The following NYAP1 variants were observed in gnomAD, a reference collection of about 807,000 sequenced individuals.
NYAP1 encodes the protein neuronal tyrosine phosphorylated phosphoinositide-3-kinase adaptor 1.
In NYAP1, 20 loss-of-function variants were observed where a neutral mutation model predicts 58.6. That is an observed-to-expected ratio of 0.34 (90% CI 0.24 to 0.50). The LOEUF is 0.50. Ranked by LOEUF, NYAP1 falls within the 20% of genes least tolerant of loss-of-function variation. The probability of loss-of-function intolerance (pLI) is 0.98; values close to 1 mark genes in which losing one functional copy is unlikely to be tolerated. For synonymous variants in NYAP1, 572 were observed against 523.1 expected (o/e 1.09, Z -1.27); for missense variants, 1,150 against 1,194.5 (o/e 0.96, Z 0.55).
intron 6 of NYAP1, among the ~76,000 whole-genome samples, chr7:100,493,133 G>A (rs1279292398): frequency 2.0e-5 from 3 of 152,138 alleles, no homozygotes; most frequent in African/African-American, 7.2e-5. Flanking sequence ...TTGAGGCCAG[G>A]AGTTCAAGAC....
chr7:100,485,525 A>G lies in NYAP1; in HGVS notation c.68+146A>G. On this transcript the variant is annotated intron_variant, in intron 2 of 6. Coordinates refer to ENST00000300179, the MANE Select transcript of NYAP1 (RefSeq NM_173564.4). This position sits in a 1 kb window ranked among gnomAD's most constrained non-coding sequence, Gnocchi z 5.7. ...CAGTACGGAATGGCCAGGATTGCACACACTGTCCTGGCCCAACTCCTGCTC... is the reference window on the plus strand; with the variant it reads ...CAGTACGGAATGGCCAGGATTGCACGCACTGTCCTGGCCCAACTCCTGCTC... 1.5e-6 allele frequency: 1 copy of G among 659,464 alleles called. No homozygotes were observed. The highest frequency in any genetic ancestry group is 2.8e-5 in the East Asian group (1 of 35,866). 40.9% of individuals were successfully genotyped at this position (659,464 alleles called of 1,614,324 possible). A position where few individuals can be genotyped will look rare whatever the true frequency, so the allele number is the denominator to read the frequency against.
Position 100,486,842 on chromosome 7 carries a change from C to A in NYAP1, c.90C>A (p.Pro30=). 1 of 1,523,778 alleles carries A rather than the reference C, an allele frequency of 6.6e-7. No individual in the cohort carries two copies. Among genetic ancestry groups the A allele is most frequent in the South Asian group, 1.2e-5 (1 of 80,528 alleles). The allele number at this position is 1,523,778 out of a possible 1,614,324, so 94.4% of individuals were successfully genotyped here. Reference sequence around the variant, plus strand: ...CCAGCTCCAGTAAGGAGGTGGCCCCCGCTGGCTCGGCTGGGCCCGCGGCCG... The same window carrying A: ...CCAGCTCCAGTAAGGAGGTGGCCCCAGCTGGCTCGGCTGGGCCCGCGGCCG... ...AKRSSSKEVA[P]AGSAGPAAGQ... The change falls in exon 3 of 7, where the codon CCC becomes CCA. Residue 30 remains proline (P), a synonymous_variant. Coordinates refer to ENST00000300179, the MANE Select transcript of NYAP1 (RefSeq NM_173564.4). This position sits in a 1 kb window ranked among gnomAD's most constrained non-coding sequence, Gnocchi z 6.2.
In NYAP1 at chr7:100,490,974, C is replaced by T; in HGVS notation, c.2159-12C>T. ...GCCCCTGCACTCCTCACTCCTCCTTCTTCCACCTCAGACTTCACGGGAGGC... is the reference window on the plus strand; with the variant it reads ...GCCCCTGCACTCCTCACTCCTCCTTTTTCCACCTCAGACTTCACGGGAGGC... On this transcript the variant is annotated splice_polypyrimidine_tract_variant and intron_variant, in intron 5 of 6. Coordinates refer to ENST00000300179, the MANE Select transcript of NYAP1 (RefSeq NM_173564.4). This position sits in a 1 kb window ranked among gnomAD's most constrained non-coding sequence, Gnocchi z 4.6. 1 of 1,525,784 alleles carries T rather than the reference C, an allele frequency of 6.6e-7. No individual in the cohort carries two copies. The highest frequency in any genetic ancestry group is 1.4e-5 in the African/African-American group (1 of 72,618). 94.5% of individuals were successfully genotyped at this position (1,525,784 alleles called of 1,614,324 possible).
Position 100,494,075 on chromosome 7 carries a change from G to A in NYAP1, c.*172G>A. Reference sequence around the variant, plus strand: ...GGGGAGAGTCTGCCAGGCCCATTGGGCTTAGGATGCCAACAGCGCTGCTGA... The same window carrying A: ...GGGGAGAGTCTGCCAGGCCCATTGGACTTAGGATGCCAACAGCGCTGCTGA... On this transcript the variant is annotated 3_prime_UTR_variant, in exon 7 of 7. Coordinates refer to ENST00000300179, the MANE Select transcript of NYAP1 (RefSeq NM_173564.4). The A allele has an allele frequency of 3.4e-6, 2 of 579,900 alleles. No homozygotes were observed. The highest frequency in any genetic ancestry group is 5.7e-6 in the Non-Finnish European group (2 of 350,626). 35.9% of individuals were successfully genotyped at this position (579,900 alleles called of 1,614,324 possible). A position where few individuals can be genotyped will look rare whatever the true frequency, so the allele number is the denominator to read the frequency against.
Position 100,486,675 on chromosome 7 carries a change from T to G in NYAP1, c.69-146T>G. The G allele has an allele frequency of 1.1e-6, 1 of 914,210 alleles. No individual in the cohort carries two copies. The highest frequency in any genetic ancestry group is 1.8e-5 in the African/African-American group (1 of 56,552). The allele number at this position is 914,210 out of a possible 1,614,324, so 56.6% of individuals were successfully genotyped here. A position where few individuals can be genotyped will look rare whatever the true frequency, so the allele number is the denominator to read the frequency against. On this transcript the variant is annotated intron_variant, in intron 2 of 6. Transcript: ENST00000300179. This position sits in a 1 kb window ranked among gnomAD's most constrained non-coding sequence, Gnocchi z 6.2. Reference sequence around the variant, plus strand: ...GCCTGAAGCCCCTTCATTGGTGCCCTGGACCTTCTGGCAACCCTGTCCCCA... The same window carrying G: ...GCCTGAAGCCCCTTCATTGGTGCCCGGGACCTTCTGGCAACCCTGTCCCCA...
rs1401288168 is a variant in NYAP1, at chr7:100,489,564, C to G, written c.1843C>G (p.Pro615Ala). The G allele has an allele frequency of 2.2e-5, 36 of 1,613,260 alleles. No individual in the cohort carries two copies. The highest frequency in any genetic ancestry group is 3.1e-5 in the Non-Finnish European group (36 of 1,179,972). The change falls in exon 4 of 7, where the codon CCA becomes GCA. Residue 615 changes from proline (P) to alanine (A), a missense_variant. Physicochemically the swap from Pro to Ala is conservative, Grantham distance 27. Transcript: ENST00000300179. Reference sequence around the variant, plus strand: ...CCACGTCATCGCCAGCGCAGGGACACCAGAGGAGGAAGAAGAGGAGGTGGG... The same window carrying G: ...CCACGTCATCGCCAGCGCAGGGACAGCAGAGGAGGAAGAAGAGGAGGTGGG... Reference protein sequence around the residue: ...CAHVIASAGTPEEEEEEVGAA... With the variant: ...CAHVIASAGTAEEEEEEVGAA...
In NYAP1 at chr7:100,489,430, G is replaced by T. The variant is rs1799760824; in HGVS notation, c.1709G>T (p.Gly570Val). The T allele has an allele frequency of 6.2e-7, 1 of 1,612,966 alleles. No individual in the cohort carries two copies. The highest frequency in any genetic ancestry group is 8.5e-7 in the Non-Finnish European group (1 of 1,179,880). ...RPPAYESLKA[G>V]GVLNKGCGVG... ...CCTGCCTATGAGAGCCTCAAGGCTG[G>T]GGGGGTGCTGAATAAGGGCTGTGGT... is the stretch of plus-strand genomic sequence containing the variant. Residue 570 changes from glycine (G) to valine (V), a missense_variant, in exon 4 of 7, where the codon GGG (glycine) becomes GTG (valine). Physicochemically the swap from Gly to Val is moderately radical, Grantham distance 109. Transcript: ENST00000300179.
rs1030254737 is a variant in NYAP1, at chr7:100,490,288, C to T, written c.1946-229C>T. Among the ~76,000 whole-genome samples the T allele has an allele frequency of 6.6e-6, 1 of 152,080 alleles. No homozygotes were observed. The highest frequency in any genetic ancestry group is 2.4e-5 in the African/African-American group (1 of 41,398). On this transcript the variant is annotated intron_variant, in intron 4 of 6. Transcript: ENST00000300179. The surrounding 1 kb of genome is among the most constrained non-coding windows in gnomAD (Gnocchi z 4.6). ...CAGGGAAAAGGGTTTGGATGCAGCA[C>T]ATAGACATGATTCTCAGCCCCAAGA...
rs1040674172 is a variant in NYAP1 at position 100,494,146 on chromosome 7, G to A, written c.*243G>A. On this transcript the variant is annotated 3_prime_UTR_variant, in exon 7 of 7. Coordinates refer to ENST00000300179, the MANE Select transcript of NYAP1 (RefSeq NM_173564.4). ...TTTGCTTGAGGTTGGGGCGAGAGTC[G>A]CTCTGGCTGTTCTTCCCGCTGGGCG... The A allele has an allele frequency of 2.2e-6, 1 of 462,612 alleles. No individual in the cohort carries two copies. Among genetic ancestry groups the A allele is most frequent in the East Asian group, 3.7e-5 (1 of 27,150 alleles). The allele number at this position is 462,612 out of a possible 1,614,324, so 28.7% of individuals were successfully genotyped here.
At position 100,493,635 on chromosome 7, in the gene NYAP1, C is replaced by T; in HGVS notation, c.2269-11C>T. 1 of 1,562,556 alleles carries T rather than the reference C, an allele frequency of 6.4e-7. No individual in the cohort carries two copies. Among genetic ancestry groups the T allele is most frequent in the Non-Finnish European group, 8.6e-7 (1 of 1,162,414 alleles). Reference sequence around the variant, plus strand: ...ACCCGCGTTTTCCTTTCTCCCCCGCCCGCGGCACAGCCCCACCCCGCGCTG... The same window carrying T: ...ACCCGCGTTTTCCTTTCTCCCCCGCTCGCGGCACAGCCCCACCCCGCGCTG... On this transcript the variant is annotated splice_polypyrimidine_tract_variant and intron_variant, in intron 6 of 6. Transcript: ENST00000300179.
chr7:100,489,555 G>A lies in NYAP1; in HGVS notation c.1834G>A (p.Ala612Thr), dbSNP rs779903969. ...SISCAHVIAS[A>T]GTPEEEEEEV... The stretch of plus-strand genomic sequence containing the variant: ...CTCCTGTGCCCACGTCATCGCCAGC[G>A]CAGGGACACCAGAGGAGGAAGAAGA... The change falls in exon 4 of 7, where the codon GCA (alanine) becomes ACA (threonine). Residue 612 changes from alanine (A) to threonine (T), a missense_variant. Coordinates refer to ENST00000300179, the MANE Select transcript of NYAP1 (RefSeq NM_173564.4). 26 of 1,613,272 alleles carry A rather than the reference G, an allele frequency of 1.6e-5. No homozygotes were observed. Among genetic ancestry groups the A allele is most frequent in the East Asian group, 8.9e-5 (4 of 44,892 alleles).
chr7:100,485,429 C>T lies in NYAP1; in HGVS notation c.68+50C>T. 1 of 1,428,462 alleles carries T rather than the reference C, an allele frequency of 7.0e-7. No homozygotes were observed. The highest frequency in any genetic ancestry group is 9.7e-7 in the Non-Finnish European group (1 of 1,034,224). The allele number at this position is 1,428,462 out of a possible 1,614,324, so 88.5% of individuals were successfully genotyped here. On this transcript the variant is annotated intron_variant, in intron 2 of 6. Transcript: ENST00000300179. The surrounding 1 kb of genome is among the most constrained non-coding windows in gnomAD (Gnocchi z 5.7). Reference sequence around the variant, plus strand: ...CCTTCCCTTCCGCACCTCTGCCTGCCCCCTCACTGGGCCACAGCCCTTCTC... The same window carrying T: ...CCTTCCCTTCCGCACCTCTGCCTGCTCCCTCACTGGGCCACAGCCCTTCTC...
At position 100,493,779 on chromosome 7, in the gene NYAP1, G is replaced by C. The variant is rs766941123; in HGVS notation, c.2402G>C (p.Arg801Pro). ...KEIKARHRPD[R>P]GLCKQESMPI... Reference sequence around the variant, plus strand: ...ATCAAGGCGCGCCACCGCCCGGACCGAGGCCTCTGCAAGCAGGAGAGCATG... The same window carrying C: ...ATCAAGGCGCGCCACCGCCCGGACCCAGGCCTCTGCAAGCAGGAGAGCATG... The change falls in exon 7 of 7, where the codon CGA (arginine) becomes CCA (proline). Residue 801 changes from arginine to proline, a missense_variant. Transcript: ENST00000300179. 1.2e-6 allele frequency: 2 copies of C among 1,605,272 alleles called. No individual in the cohort carries two copies. Among genetic ancestry groups the C allele is most frequent in the Non-Finnish European group, 8.5e-7 (1 of 1,178,214 alleles).
rs757633647 is a variant in NYAP1 at position 100,487,031 on chromosome 7, T to A, written c.279T>A (p.Ser93Arg). The A allele has an allele frequency of 6.2e-7, 1 of 1,605,760 alleles. No individual in the cohort carries two copies. Among genetic ancestry groups the A allele is most frequent in the Non-Finnish European group, 8.5e-7 (1 of 1,175,990 alleles). The change falls in exon 3 of 7, where the codon AGT (serine) becomes AGA (arginine). Residue 93 changes from serine to arginine, a missense_variant. By Grantham distance (110) the Ser-to-Arg change is moderately radical. Coordinates refer to ENST00000300179, the MANE Select transcript of NYAP1 (RefSeq NM_173564.4). The surrounding 1 kb of genome is among the most constrained non-coding windows in gnomAD (Gnocchi z 4.1). ...LSCHSVGSMD[S>R]VGGGPGGASG... ...GCCACTCGGTGGGCAGCATGGACAG[T>A]GTCGGGGGTGGCCCTGGCGGGGCCA...
At position 100,488,875 on chromosome 7, in the gene NYAP1, C is replaced by A. The variant is rs750085796; in HGVS notation, c.1154C>A (p.Pro385Gln). The change falls in exon 4 of 7, where the codon CCA (proline) becomes CAA (glutamine). Residue 385 changes from proline (P) to glutamine (Q), a missense_variant. By Grantham distance (76) the Pro-to-Gln change is moderately conservative (BLOSUM62 -1). Transcript: ENST00000300179. The surrounding 1 kb of genome is among the most constrained non-coding windows in gnomAD (Gnocchi z 5.9). ...GCACGGGAGCGGGAGACGCCTCCCC[C>A]ACCGCCTCCACCTCCTGCTGCCAAC... ...VPARERETPPPPPPPPAANLL... is the reference protein window; with the variant it reads ...VPARERETPPQPPPPPAANLL... 5 of 1,599,138 alleles carry A rather than the reference C, an allele frequency of 3.1e-6. No individual in the cohort carries two copies. Among genetic ancestry groups the A allele is most frequent in the African/African-American group, 1.3e-5 (1 of 74,502 alleles).
rs925731392 is a variant in NYAP1 at position 100,494,099 on chromosome 7, G to A, written c.*196G>A. The A allele has an allele frequency of 1.2e-5, 6 of 519,302 alleles. No homozygotes were observed. Among genetic ancestry groups the A allele is most frequent in the African/African-American group, 1.0e-4 (5 of 49,290 alleles). 32.2% of individuals were successfully genotyped at this position (519,302 alleles called of 1,614,324 possible). A position where few individuals can be genotyped will look rare whatever the true frequency, so the allele number is the denominator to read the frequency against. On this transcript the variant is annotated 3_prime_UTR_variant, in exon 7 of 7. Coordinates refer to ENST00000300179, the MANE Select transcript of NYAP1 (RefSeq NM_173564.4). ...GGCTTAGGATGCCAACAGCGCTGCT[G>A]AGAAACGGAGGAGGAGGAGGGTTTG...
In NYAP1 at chr7:100,493,294, G is replaced by A. The variant is rs776640955; in HGVS notation, c.2269-352G>A. 1.0e-3 allele frequency among the ~76,000 whole-genome samples: 157 copies of A among 152,306 alleles called. 1 individual carries two copies. The highest frequency in any genetic ancestry group is 1.8e-3 in the Non-Finnish European group (120 of 68,026). ...GAGGATTGCTTGAGCCCAGGAGGTC[G>A]AGGCTGCAGTGAGCTATGATTGCAC... On this transcript the variant is annotated intron_variant, in intron 6 of 6. Transcript: ENST00000300179.
Position 100,490,485 on chromosome 7 carries a change from C to G in NYAP1, c.1946-32C>G. 1 of 1,541,018 alleles carries G rather than the reference C, an allele frequency of 6.5e-7. No homozygotes were observed. The highest frequency in any genetic ancestry group is 8.8e-7 in the Non-Finnish European group (1 of 1,134,438). On this transcript the variant is annotated intron_variant, in intron 4 of 6. Coordinates refer to ENST00000300179, the MANE Select transcript of NYAP1 (RefSeq NM_173564.4). This position sits in a 1 kb window ranked among gnomAD's most constrained non-coding sequence, Gnocchi z 4.6. ...GGGACAGAATGACGCCTCCAACATGCAGGCACACAGCTCTCCTTGTCATCC... is the reference window on the plus strand; with the variant it reads ...GGGACAGAATGACGCCTCCAACATGGAGGCACACAGCTCTCCTTGTCATCC...
chr7:100,489,406 C>G lies in NYAP1; in HGVS notation c.1685C>G (p.Pro562Arg). 6.2e-7 allele frequency: 1 copy of G among 1,613,040 alleles called. No individual in the cohort carries two copies. Among genetic ancestry groups the G allele is most frequent in the East Asian group, 2.2e-5 (1 of 44,878 alleles). Residue 562 changes from proline (P) to arginine (R), a missense_variant, in exon 4 of 7, where the codon CCT becomes CGT. Pro to Arg is a moderately radical substitution (Grantham distance 103). Transcript: ENST00000300179. ...ACAGCAGCTGGGCTCAAGAGACCCC[C>G]TGCCTATGAGAGCCTCAAGGCTGGG... ...PATAAGLKRP[P>R]AYESLKAGGV...
Sources: gnomAD v4.1 joint callset for allele counts (sites outside exome capture counted in the v4.1 genomes callset) on GRCh38, gnomAD v4.1.1 for gene constraint, Gnocchi (gnomAD v3.1) non-coding constraint, MANE v1.5 for transcripts, NCBI Gene and HGNC (gene_info 2026-07-23, HGNC 2026-07-21) for gene names.